Variants in TSPEAR observed in about 807,000 individuals in gnomAD.
The protein encoded by TSPEAR is thrombospondin-type laminin G domain and EAR repeat-containing protein.
In TSPEAR, 69 loss-of-function variants were observed where a neutral mutation model predicts 71.6. That is an observed-to-expected ratio of 0.96 (90% CI 0.79 to 1.18). The LOEUF is 1.18. Among genes scored for constraint, TSPEAR ranks in the 50% most tolerant of loss-of-function variants. The pLI is 0.00. For missense variants in TSPEAR, 971 were observed against 894.9 expected (o/e 1.09, Z -1.09); for synonymous variants, 402 against 387.2 (o/e 1.04, Z -0.45).
intron 1 of TSPEAR, among the ~76,000 whole-genome samples, chr21:44,633,893 TTGATA>T (rs1983394004): frequency 6.6e-6 from 1 of 152,214 alleles, no homozygotes; most frequent in African/African-American, 2.4e-5. Flanking sequence ...CCATTTATGC[TTGATA>T]TATCTTGGGG....
intron 2 of TSPEAR, chr21:44,550,901 G>C: frequency 1.4e-6 from 2 of 1,468,892 alleles, no homozygotes; most frequent in Non-Finnish European, 1.8e-6. Flanking sequence ...GCTTGCAGCA[G>C]ACGGACACAC....
intron 1 of TSPEAR, chr21:44,702,880 G>A: frequency 2.8e-6 from 2 of 714,730 alleles, no homozygotes; most frequent in South Asian, 3.3e-5. Flanking sequence ...ACACGCACTA[G>A]TACACACCGC....
At chr21:44,643,893 G>C (rs1185544387) in intron 1 of TSPEAR, among the ~76,000 whole-genome samples, 2 of 152,260 alleles carry the variant, frequency 1.3e-5, no homozygotes, top group Non-Finnish European at 2.9e-5. Context: ...AACAAGACCA[G>C]AGGGCTGCTG....
intron 1 of TSPEAR, chr21:44,702,658 C>T (rs1601583385): frequency 6.4e-7 from 1 of 1,573,252 alleles, no homozygotes; most frequent in Non-Finnish European, 8.7e-7. Context: ...CTGCTGCATG[C>T]CCGTCCCCTC....
At position 44,527,439 on chromosome 21, in the gene TSPEAR, G is replaced by A. The variant is rs959485313; in HGVS notation, c.1002C>T (p.Arg334=). ...NSETLGIEVF[R]IPQVGLFVAT... is the part of the protein sequence containing the mutation. ...CCACAAAGAGCCCCACCTGAGGGAT[G>A]CGGAACACCTCAATGCCCAGGGTCT... is the stretch of plus-strand genomic sequence containing the variant. The change falls in exon 7 of 12, where the codon CGC becomes CGT. Residue 334 remains arginine, a synonymous_variant. Coordinates refer to ENST00000323084, the MANE Select transcript of TSPEAR (RefSeq NM_144991.3). The A allele has an allele frequency of 3.4e-5, 55 of 1,614,122 alleles. No individual in the cohort carries two copies. The highest frequency in any genetic ancestry group is 8.0e-5 in the African/African-American group (6 of 74,944).
At chr21:44,650,690 C>T (rs1555941258) in intron 1 of TSPEAR, among the ~76,000 whole-genome samples, 4 of 152,238 alleles carry the variant, frequency 2.6e-5, no homozygotes, top group African/African-American at 9.6e-5. Context: ...TGGCGTGGGA[C>T]TCTGTCACAG....
chr21:44,681,513 T>C lies in TSPEAR; in HGVS notation c.82+29920A>G, dbSNP rs375137126. ...GAAGAGGGTTTAGCAGCAAATTCTA[T>C]GTAATCAGCAGAATAGATAGCGGGG... On this transcript the variant is annotated intron_variant, in intron 1 of 11. Coordinates refer to ENST00000323084, the MANE Select transcript of TSPEAR (RefSeq NM_144991.3). The C allele has an allele frequency of 3.0e-4, 94 of 315,488 alleles. 1 individual carries two copies. In the South Asian group the frequency reaches 6.8e-3, roughly 23 times the overall value. The allele number at this position is 315,488 out of a possible 1,614,324, so 19.5% of individuals were successfully genotyped here.
Position 44,525,558 on chromosome 21 carries a change from T to C in TSPEAR, c.1336+95A>G, listed in dbSNP as rs1168022889. The stretch of plus-strand genomic sequence containing the variant: ...TTCACCCTGTGCTGCATGTGGCTTA[T>C]TGTTTTCTAATAAGATACACATTCG... On this transcript the variant is annotated intron_variant, in intron 8 of 11. Coordinates refer to ENST00000323084, the MANE Select transcript of TSPEAR (RefSeq NM_144991.3). 13 of 1,311,964 alleles carry C rather than the reference T, an allele frequency of 9.9e-6. No homozygotes were observed. The African/African-American group carries it at 1.6e-4, about 16-fold the overall frequency. The allele number at this position is 1,311,964 out of a possible 1,614,324, so 81.3% of individuals were successfully genotyped here.
At chr21:44,646,154 A>AAAAG (rs1984339785) in intron 1 of TSPEAR, among the ~76,000 whole-genome samples, 2 of 146,546 alleles carry the variant, frequency 1.4e-5, no homozygotes, top group Non-Finnish European at 3.0e-5. Context: ...AAAAAAAAAA[A>AAAAG]GGAAATATTT....
intron 1 of TSPEAR, among the ~76,000 whole-genome samples, chr21:44,641,305 A>C (rs1984007078): frequency 1.3e-5 from 2 of 152,234 alleles, no homozygotes; most frequent in South Asian, 4.1e-4. Flanking sequence ...AGGAGGAGGA[A>C]GAGGAGGAAG....
intron 1 of TSPEAR, among the ~76,000 whole-genome samples, chr21:44,643,858 G>A (rs868911830): frequency 1.2e-4 from 18 of 152,230 alleles, no homozygotes; most frequent in African/African-American, 3.6e-4. Flanking sequence ...GCGGAGTTGC[G>A]GGAAGCATTT....
intron 1 of TSPEAR, chr21:44,591,280 C>A: frequency 6.8e-7 from 1 of 1,478,652 alleles, no homozygotes; most frequent in Non-Finnish European, 9.0e-7. Flanking sequence ...AGACAAAGAG[C>A]CTGCCCCATC....
chr21:44,601,681 T>A (rs781993561), intron 1 of TSPEAR: 6 of 1,612,612 alleles, frequency 3.7e-6, no homozygotes, highest in East Asian at 2.2e-5. Context: ...CCGCCCCGCA[T>A]GCTCCCGCCC....
In TSPEAR at chr21:44,654,457, G is replaced by A. The variant is rs1985005909; in HGVS notation, c.82+56976C>T. Reference sequence around the variant, plus strand: ...ACAGCAGGCTGGCTGGCAGCAGGTGGATACCCCACACAGGGGCCGGCACAG... The same window carrying A: ...ACAGCAGGCTGGCTGGCAGCAGGTGAATACCCCACACAGGGGCCGGCACAG... On this transcript the variant is annotated intron_variant, in intron 1 of 11. Transcript: ENST00000323084. 2 of 1,614,058 alleles carry A rather than the reference G, an allele frequency of 1.2e-6. No homozygotes were observed. The highest frequency in any genetic ancestry group is 8.5e-7 in the Non-Finnish European group (1 of 1,179,944).
In TSPEAR at chr21:44,643,239, G is replaced by A. The variant is rs587609127; in HGVS notation, c.82+68194C>T. 2.5e-4 allele frequency among the ~76,000 whole-genome samples: 38 copies of A among 152,304 alleles called. No individual in the cohort carries two copies. In the South Asian group the frequency reaches 7.5e-3, roughly 30 times the overall value. On this transcript the variant is annotated intron_variant, in intron 1 of 11. Coordinates refer to ENST00000323084, the MANE Select transcript of TSPEAR (RefSeq NM_144991.3). ...TCACCAAAGCAGAGAGTAGAATGGGGATTCGAGGGCCAGGGGGTGCAGGGA... is the reference window on the plus strand; with the variant it reads ...TCACCAAAGCAGAGAGTAGAATGGGAATTCGAGGGCCAGGGGGTGCAGGGA...
chr21:44,666,820 C>A, intron 1 of TSPEAR: 1 of 1,609,598 alleles, frequency 6.2e-7, no homozygotes, highest in African/African-American at 1.3e-5. Flanking sequence ...ACACAACAGG[C>A]TGGCTGGCAG....
rs587774645 is a variant in TSPEAR, at chr21:44,550,949, C to T, written c.303+16836G>A. On this transcript the variant is annotated intron_variant, in intron 2 of 11. Coordinates refer to ENST00000323084, the MANE Select transcript of TSPEAR (RefSeq NM_144991.3). ...GACACGGGGAGGAGGTGCAGCAAGC[C>T]GGCTGGCAGCTAGACTGCTGGCAGC... 46 of 1,501,448 alleles carry T rather than the reference C, an allele frequency of 3.1e-5. No homozygotes were observed. The South Asian group carries it at 3.7e-4, about 12-fold the overall frequency. 93.0% of individuals were successfully genotyped at this position (1,501,448 alleles called of 1,614,324 possible).
intron 1 of TSPEAR, chr21:44,627,211 T>A (rs782189521): frequency 6.2e-7 from 1 of 1,612,908 alleles, no homozygotes; most frequent in Non-Finnish European, 8.5e-7. Context: ...CAGCGCTTAC[T>A]CCGACTCCTG....
intron 2 of TSPEAR, among the ~76,000 whole-genome samples, chr21:44,561,575 T>C (rs587598730): frequency 2.0e-4 from 31 of 152,154 alleles, no homozygotes; most frequent in African/African-American, 6.5e-4. Context: ...GATGTAAAAA[T>C]CCTCAATAAA....
Sources: allele counts gnomAD v4.1 joint callset (sites outside exome capture counted in the v4.1 genomes callset), GRCh38; gene constraint gnomAD v4.1.1; transcripts MANE v1.5; gene names NCBI Gene and HGNC (gene_info 2026-07-23, HGNC 2026-07-21).